The following PDLIM4 variants were observed in gnomAD, a reference collection of about 807,000 sequenced individuals.
PDLIM4 encodes the protein PDZ and LIM domain protein 4.
Under a neutral mutation model 31.3 loss-of-function variants are expected in PDLIM4, and 19 were observed. That is an observed-to-expected ratio of 0.61 (90% confidence interval 0.42 to 0.89). The LOEUF (loss-of-function observed/expected upper bound fraction) is 0.89, where lower values mean the gene tolerates loss of function less well. PDLIM4 is among the 40% of genes least tolerant of loss of function. The probability of loss-of-function intolerance (pLI) is 0.00; values close to 1 mark genes in which losing one functional copy is unlikely to be tolerated. For missense variants in PDLIM4, 442 were observed against 461.1 expected, an observed-to-expected ratio of 0.96 and a Z score of 0.38; for synonymous variants, 176 against 190.1, an observed-to-expected ratio of 0.93 and a Z score of 0.61.
In PDLIM4 at chr5:132,271,134, C is replaced by T. The variant is rs375474556; in HGVS notation, c.506+41C>T. On this transcript the variant is annotated intron_variant, in intron 4 of 6. Transcript: ENST00000253754. ...CTTCGGTGCCATGCCCAGAACCCATCTTAACCCTTGATCCCTCAAATCTCA... is the reference window on the plus strand; with the variant it reads ...CTTCGGTGCCATGCCCAGAACCCATTTTAACCCTTGATCCCTCAAATCTCA... The T allele has an allele frequency of 3.6e-4, 569 of 1,586,302 alleles. 1 individual carries two copies. Among genetic ancestry groups the T allele is most frequent in the Non-Finnish European group, 4.4e-4 (507 of 1,158,686 alleles).
At chr5:132,258,642 C>G (rs1006615107) in intron 1 of PDLIM4, among the ~76,000 whole-genome samples, 7 of 152,200 alleles carry the variant, frequency 4.6e-5, no homozygotes, top group Non-Finnish European at 8.8e-5. Flanking sequence ...GGCCCAGCCT[C>G]GACATCCTCG....
chr5:132,259,257 G>T (rs1314111597), intron 1 of PDLIM4, among the ~76,000 whole-genome samples: 1 of 152,056 alleles, frequency 6.6e-6, no homozygotes, highest in Non-Finnish European at 1.5e-5. Context: ...CAGGCACCCT[G>T]GGCGTGAGGC....
intron 5 of PDLIM4, 118 bp downstream of exon 5, chr5:132,271,584 C>A: frequency 8.8e-7 from 1 of 1,141,706 alleles, no homozygotes; most frequent in Non-Finnish European, 1.3e-6. Flanking sequence ...CTCTGCGGCC[C>A]GGTCCCACGC....
chr5:132,267,998 A>G (rs1756528377), intron 3 of PDLIM4, among the ~76,000 whole-genome samples: 1 of 152,170 alleles, frequency 6.6e-6, no homozygotes, highest in African/African-American at 2.4e-5. Flanking sequence ...AGCCTCCCTC[A>G]GAGGTAGCAG....
In PDLIM4 at chr5:132,257,702, C is replaced by CGGCTCA; in HGVS notation, c.-27_-22dup. ...GCGGCGGCGGCTCCTCCTCAGAGTC[C>CGGCTCA]GGCTCAGGCTCCGGCTGCGGCTCCA... On this transcript the variant is annotated 5_prime_UTR_variant, in exon 1 of 7. Transcript: ENST00000253754. This position sits in a 1 kb window ranked among gnomAD's most constrained non-coding sequence, Gnocchi z 4.3. 7.3e-7 allele frequency: 1 copy of CGGCTCA among 1,363,404 alleles called. No individual in the cohort carries two copies. 84.5% of individuals were successfully genotyped at this position (1,363,404 alleles called of 1,614,324 possible). A position where few individuals can be genotyped will look rare whatever the true frequency, so the allele number is the denominator to read the frequency against.
chr5:132,263,910 T>G (rs922721939), intron 2 of PDLIM4, among the ~76,000 whole-genome samples: 13 of 152,200 alleles, frequency 8.5e-5, no homozygotes, highest in Non-Finnish European at 1.8e-4. Flanking sequence ...GAGCCTTAGG[T>G]GCCCAGATGA....
At chr5:132,271,686 C>T (rs763085595) in intron 5 of PDLIM4, 105 bp from the exon 6 acceptor site, 4 of 1,002,528 alleles carry the variant, frequency 4.0e-6, no homozygotes, top group Non-Finnish European at 6.4e-6. Context: ...ACCCGTTCCC[C>T]AGTCTCGGGT....
intron 1 of PDLIM4, among the ~76,000 whole-genome samples, chr5:132,259,794 C>G (rs894106224): frequency 4.6e-5 from 7 of 152,134 alleles, no homozygotes; most frequent in African/African-American, 1.7e-4. Context: ...CAATCTCAGC[C>G]CATGAAGCCT....
At chr5:132,267,945 G>A (rs996241770) in intron 3 of PDLIM4, among the ~76,000 whole-genome samples, 5 of 152,214 alleles carry the variant, frequency 3.3e-5, no homozygotes, top group African/African-American at 9.6e-5. Flanking sequence ...GCCAGGCAGA[G>A]GGGAGCAGCA....
Position 132,257,964 on chromosome 5 carries a change from G to C in PDLIM4, c.93+137G>C, listed in dbSNP as rs1397431272. 3 of 482,696 alleles carry C rather than the reference G, an allele frequency of 6.2e-6. No individual in the cohort carries two copies. In the Admixed American group the frequency reaches 1.3e-4, roughly 21 times the overall value. 29.9% of individuals were successfully genotyped at this position (482,696 alleles called of 1,614,324 possible). A position where few individuals can be genotyped will look rare whatever the true frequency, so the allele number is the denominator to read the frequency against. On this transcript the variant is annotated intron_variant, in intron 1 of 6. Transcript: ENST00000253754. The surrounding 1 kb of genome is among the most constrained non-coding windows in gnomAD (Gnocchi z 4.3). ...TGGCCTGGGCGCCCCGCATGCTGTA[G>C]AGGCGGCTTCCAGGCAGAGGCAGGC...
At position 132,270,848 on chromosome 5, in the gene PDLIM4, G is replaced by A. The variant is rs1451683940; in HGVS notation, c.328-67G>A. On this transcript the variant is annotated intron_variant, in intron 3 of 6. Transcript: ENST00000253754. ...ACCTGGCACAGCACAGCAGGGTGGGGGTGGGGTGAACAAGGAATGGCTGGA... is the reference window on the plus strand; with the variant it reads ...ACCTGGCACAGCACAGCAGGGTGGGAGTGGGGTGAACAAGGAATGGCTGGA... The A allele has an allele frequency of 4.1e-5, 57 of 1,402,120 alleles. No homozygotes were observed. The South Asian group carries it at 5.6e-4, about 14-fold the overall frequency. 86.9% of individuals were successfully genotyped at this position (1,402,120 alleles called of 1,614,324 possible).
intron 6 of PDLIM4, 44 bp from the exon 7 acceptor site, chr5:132,271,981 C>G (rs1311859005): frequency 1.9e-6 from 3 of 1,601,500 alleles, no homozygotes; most frequent in Non-Finnish European, 1.7e-6. Flanking sequence ...CAGTCGTGAA[C>G]CCATCAGTCA....
At position 132,262,801 on chromosome 5, in the gene PDLIM4, G is replaced by GGTGGGCAGTT. The variant is rs774139385; in HGVS notation, c.245+42_245+51dup. 20 of 1,582,810 alleles carry GGTGGGCAGTT rather than the reference G, an allele frequency of 1.3e-5. No homozygotes were observed. The African/African-American group carries it at 2.3e-4, about 18-fold the overall frequency. On this transcript the variant is annotated intron_variant, in intron 2 of 6. Coordinates refer to ENST00000253754, the MANE Select transcript of PDLIM4 (RefSeq NM_003687.4). ...CTGGGCTGGGAGGATGGAAGGACGA[G>GGTGGGCAGTT]GTGGGCAGTTATGGGCAGCTGGCAT...
chr5:132,258,590 G>A lies in PDLIM4; in HGVS notation c.93+763G>A, dbSNP rs1236753684. On this transcript the variant is annotated intron_variant, in intron 1 of 6. Coordinates refer to ENST00000253754, the MANE Select transcript of PDLIM4 (RefSeq NM_003687.4). ...TAGAGGAGTGGAGGAGGTGACTCAG[G>A]CCCTGTTCGAGGGGGTGCCTGTCTA... 2.0e-5 allele frequency among the ~76,000 whole-genome samples: 3 copies of A among 152,250 alleles called. No individual in the cohort carries two copies. The East Asian group carries it at 5.8e-4, about 29-fold the overall frequency.
Position 132,272,870 on chromosome 5 carries a change from C to G in PDLIM4, c.*641C>G, listed in dbSNP as rs1476551680. The G allele has an allele frequency of 1.3e-5, 2 of 153,420 alleles. No individual in the cohort carries two copies. The highest frequency in any genetic ancestry group is 2.9e-5 in the Non-Finnish European group (2 of 68,820). The allele number at this position is 153,420 out of a possible 1,614,324, so 9.5% of individuals were successfully genotyped here. On this transcript the variant is annotated 3_prime_UTR_variant, in exon 7 of 7. Coordinates refer to ENST00000253754, the MANE Select transcript of PDLIM4 (RefSeq NM_003687.4). Reference sequence around the variant, plus strand: ...TCCAGGTTTCTTCCACCCACGAGCACTTTATTCTCCTCCGAGACCCCCTTT... The same window carrying G: ...TCCAGGTTTCTTCCACCCACGAGCAGTTTATTCTCCTCCGAGACCCCCTTT...
At position 132,271,068 on chromosome 5, in the gene PDLIM4, AC is replaced by A; in HGVS notation, c.484del (p.Leu162CysfsTer57). The A allele has an allele frequency of 6.2e-7, 1 of 1,614,016 alleles. No homozygotes were observed. The highest frequency in any genetic ancestry group is 1.1e-5 in the South Asian group (1 of 91,086). ...SEATLPAQMS[T>X]LHVSPPPSAD... ...GGCCACCCTGCCAGCCCAGATGAGC[AC>A]CCTGCATGTGTCTCCACCCCCCAGG... is the stretch of plus-strand genomic sequence containing the variant. On this transcript the variant is annotated frameshift_variant, in exon 4 of 7. Transcript: ENST00000253754. LOFTEE classifies it high-confidence loss of function.
Position 132,270,917 on chromosome 5 carries a change from C to T in PDLIM4, c.330C>T (p.Asp110=), listed in dbSNP as rs377199196. The T allele has an allele frequency of 9.1e-5, 147 of 1,613,852 alleles. No homozygotes were observed. The highest frequency in any genetic ancestry group is 1.1e-4 in the Non-Finnish European group (131 of 1,179,808). ...HRIHIDPEIQ[D]GSPTTSRRPS... ...TGCCTTAGGCCTCTCTCTAATAGGACGGCAGCCCAACAACCAGCAGGCGGC... is the reference window on the plus strand; with the variant it reads ...TGCCTTAGGCCTCTCTCTAATAGGATGGCAGCCCAACAACCAGCAGGCGGC... The change falls in exon 4 of 7, where the codon GAC becomes GAT. Residue 110 remains aspartate, a splice_region_variant and synonymous_variant. Transcript: ENST00000253754.
chr5:132,267,229 T>C (rs572705779), intron 3 of PDLIM4, among the ~76,000 whole-genome samples: 58 of 152,318 alleles, frequency 3.8e-4, no homozygotes, highest in African/African-American at 1.3e-3. Context: ...TGGTCTGTGA[T>C]GGAGCCAGAA....
chr5:132,266,998 C>G lies in PDLIM4; in HGVS notation c.327+453C>G, dbSNP rs116744107. 6.2e-3 allele frequency among the ~76,000 whole-genome samples: 948 copies of G among 152,360 alleles called. 10 individuals are homozygous for G. The highest frequency in any genetic ancestry group is 0.02 in the African/African-American group (824 of 41,584). ...AAGCCTGAAGTTCTCTCCTGGCCATCCTGTGGTGCTTCTAGCAGAACTTAG... is the reference window on the plus strand; with the variant it reads ...AAGCCTGAAGTTCTCTCCTGGCCATGCTGTGGTGCTTCTAGCAGAACTTAG... On this transcript the variant is annotated intron_variant, in intron 3 of 6. Coordinates refer to ENST00000253754, the MANE Select transcript of PDLIM4 (RefSeq NM_003687.4).
Sources: allele counts gnomAD v4.1 joint callset (sites outside exome capture counted in the v4.1 genomes callset), GRCh38; gene constraint gnomAD v4.1.1; non-coding constraint Gnocchi (gnomAD v3.1); transcripts MANE v1.5; gene names NCBI Gene and HGNC (gene_info 2026-07-23, HGNC 2026-07-21).